The following SPATA17 variants were observed in gnomAD, a reference collection of about 807,000 sequenced individuals.
SPATA17 encodes spermatogenesis associated 17, also known as spermatogenesis-associated protein 17.
SPATA17 carries 53 observed loss-of-function variants against 62.2 expected under a neutral mutation model. The ratio of observed to expected loss-of-function variants is 0.85; its 90% confidence interval spans 0.68 to 1.07. The LOEUF (loss-of-function observed/expected upper bound fraction) is 1.07. Ranked by LOEUF, SPATA17 falls within the 50% of genes least tolerant of loss-of-function variation. The probability of loss-of-function intolerance (pLI) is 0.00; values close to 1 mark genes in which losing one functional copy is unlikely to be tolerated. For missense variants in SPATA17, 466 were observed against 425.5 expected (o/e 1.10, Z -0.84); for synonymous variants, 146 against 146.8 (o/e 0.99, Z 0.04).
Position 217,808,885 on chromosome 1 carries a change from G to T in SPATA17, c.1005+7035G>T, listed in dbSNP as rs142072558. 1.4e-3 allele frequency among the ~76,000 whole-genome samples: 209 copies of T among 151,936 alleles called. 2 individuals are homozygous for T. The highest frequency in any genetic ancestry group is 4.2e-3 in the African/African-American group (176 of 41,448). On this transcript the variant is annotated intron_variant, in intron 9 of 10. Transcript: ENST00000366933. ...AAAAAAAAAGTAAAATGCAATAAGG[G>T]TCATATTATTGAAGTAAGGATAAGG...
intron 9 of SPATA17, among the ~76,000 whole-genome samples, chr1:217,834,195 C>T (rs1117178): frequency 0.31 from 47,119 of 151,724 alleles, 7,889 homozygotes; most frequent in African/African-American, 0.43. Flanking sequence ...CTTTACCAGC[C>T]ATATAAAAGT....
chr1:217,636,954 T>C (rs1316213652), intron 1 of SPATA17, among the ~76,000 whole-genome samples: 1 of 152,168 alleles, frequency 6.6e-6, no homozygotes, highest in Non-Finnish European at 1.5e-5. Context: ...TGTAAAATCT[T>C]TTTTAATTGG....
intron 6 of SPATA17, among the ~76,000 whole-genome samples, chr1:217,751,014 G>T (rs1672892814): frequency 6.6e-6 from 1 of 152,276 alleles, no homozygotes; most frequent in South Asian, 2.1e-4. Flanking sequence ...GGAAGGAACT[G>T]TATCCTACCT....
chr1:217,832,271 T>C (rs1029437085), intron 9 of SPATA17, among the ~76,000 whole-genome samples: 7 of 152,246 alleles, frequency 4.6e-5, no homozygotes, highest in Middle Eastern at 3.4e-3. Context: ...TAGTGTTCCC[T>C]AAAATTCAAA....
At chr1:217,773,859 TG>T (rs1571796643) in intron 6 of SPATA17, among the ~76,000 whole-genome samples, 3 of 152,050 alleles carry the variant, frequency 2.0e-5, no homozygotes, top group South Asian at 4.2e-4. Context: ...GTTTACGTAA[TG>T]AATAATAATT....
chr1:217,656,345 T>C (rs923302155), intron 3 of SPATA17, among the ~76,000 whole-genome samples: 3 of 152,230 alleles, frequency 2.0e-5, no homozygotes, highest in Non-Finnish European at 4.4e-5. Flanking sequence ...ATATTTGTTT[T>C]GTTACTTTAG....
chr1:217,871,438 C>G lies in SPATA17; in HGVS notation c.*4419C>G, dbSNP rs1407764104. 6.6e-6 allele frequency: 1 copy of G among 151,966 alleles called. No homozygotes were observed. The highest frequency in any genetic ancestry group is 1.5e-5 in the Non-Finnish European group (1 of 68,004). 9.4% of individuals were successfully genotyped at this position (151,966 alleles called of 1,614,324 possible). ...TTCTCTTCCATTTTATTTTCACTTC[C>G]ATTTTAAGCTGGCTCAAAGCCTTTT... On this transcript the variant is annotated 3_prime_UTR_variant, in exon 11 of 11. Coordinates refer to ENST00000366933, the MANE Select transcript of SPATA17 (RefSeq NM_138796.4).
chr1:217,645,319 A>T (rs1670154934), intron 1 of SPATA17, among the ~76,000 whole-genome samples: 1 of 152,136 alleles, frequency 6.6e-6, no homozygotes, highest in Admixed American at 6.5e-5. Flanking sequence ...AGTTAATTTG[A>T]TTGCTTCTCT....
chr1:217,793,221 G>GTTTT (rs1161172000), intron 8 of SPATA17, among the ~76,000 whole-genome samples: 2 of 127,164 alleles, frequency 1.6e-5, no homozygotes, highest in Non-Finnish European at 1.6e-5. Flanking sequence ...AGTGGTTTTT[G>GTTTT]TTTTTTTTTT....
chr1:217,825,067 T>C (rs1341643151), intron 9 of SPATA17, among the ~76,000 whole-genome samples: 3 of 150,510 alleles, frequency 2.0e-5, no homozygotes, highest in East Asian at 3.9e-4. Flanking sequence ...TTTATATGAA[T>C]ACATATATTC....
Position 217,782,300 on chromosome 1 carries a change from CT to C in SPATA17, c.851del (p.Leu284ArgfsTer4). On this transcript the variant is annotated frameshift_variant, in exon 8 of 11. Transcript: ENST00000366933. LOFTEE classifies it high-confidence loss of function. ...AGAGGAGCTCAGAAGAGAGGAATGG[CT>C]GCAAAATGTAAATGACAATATGTGA... The part of the protein sequence containing the change: ...AREELRREEW[L>X]QNVNDNMFLP... 1 of 1,609,704 alleles carries C rather than the reference CT, an allele frequency of 6.2e-7. No individual in the cohort carries two copies. Among genetic ancestry groups the C allele is most frequent in the Admixed American group, 1.7e-5 (1 of 59,112 alleles).
intron 9 of SPATA17, among the ~76,000 whole-genome samples, chr1:217,810,489 G>A (rs934108887): frequency 2.7e-5 from 4 of 147,870 alleles, no homozygotes; most frequent in African/African-American, 7.8e-5. Flanking sequence ...GGATGAGGTG[G>A]CACACACCTG....
chr1:217,865,418 A>G (rs1417446949), intron 10 of SPATA17, among the ~76,000 whole-genome samples: 2 of 152,182 alleles, frequency 1.3e-5, no homozygotes, highest in Non-Finnish European at 1.5e-5. Context: ...AGCTGTTATC[A>G]TTAATGCTCT....
intron 9 of SPATA17, among the ~76,000 whole-genome samples, chr1:217,810,461 A>C (rs1231511857): frequency 2.0e-5 from 3 of 151,772 alleles, no homozygotes; most frequent in African/African-American, 7.3e-5. Context: ...ATCTCTACTA[A>C]AAATACAAAA....
chr1:217,790,680 G>A (rs1480440812), intron 8 of SPATA17, among the ~76,000 whole-genome samples: 1 of 151,692 alleles, frequency 6.6e-6, no homozygotes. Context: ...CGCCCGCCTC[G>A]GCCTCCCAAA....
chr1:217,720,274 T>C (rs1672094279), intron 5 of SPATA17, among the ~76,000 whole-genome samples: 1 of 152,208 alleles, frequency 6.6e-6, no homozygotes, highest in Admixed American at 6.5e-5. Context: ...CTGACACAAA[T>C]GTTGATTCTG....
At chr1:217,686,853 G>A (rs1387908442) in intron 5 of SPATA17, among the ~76,000 whole-genome samples, 1 of 152,130 alleles carries the variant, frequency 6.6e-6, no homozygotes, top group African/African-American at 2.4e-5. Context: ...TGAGTAGCTG[G>A]AATTACAGGT....
chr1:217,800,584 C>G (rs1455031059), intron 8 of SPATA17, among the ~76,000 whole-genome samples: 1 of 152,134 alleles, frequency 6.6e-6, no homozygotes, highest in African/African-American at 2.4e-5. Context: ...CATAGACTTT[C>G]AGCTGTTTTC....
chr1:217,822,410 G>T (rs570625611), intron 9 of SPATA17, among the ~76,000 whole-genome samples: 5 of 151,260 alleles, frequency 3.3e-5, no homozygotes, highest in African/African-American at 1.2e-4. Flanking sequence ...TCACGAGTTT[G>T]TCTTTTTCTT....
Sources: allele counts gnomAD v4.1 joint callset (sites outside exome capture counted in the v4.1 genomes callset), GRCh38; gene constraint gnomAD v4.1.1; transcripts MANE v1.5; gene names NCBI Gene and HGNC (gene_info 2026-07-23, HGNC 2026-07-21).